The following SRRM1 variants were observed in gnomAD, a reference collection of about 807,000 sequenced individuals.
The protein encoded by SRRM1 is serine/arginine repetitive matrix protein 1.
Under a neutral mutation model 110.2 loss-of-function variants are expected in SRRM1, and 19 were observed. The observed-to-expected ratio is 0.17, with a 90% CI of 0.12 to 0.25. The LOEUF (loss-of-function observed/expected upper bound fraction) is 0.25. Among genes scored for constraint, SRRM1 ranks in the 10% least tolerant of loss-of-function variants. The pLI is 1.00. For missense variants in SRRM1, 918 were observed against 1,145.8 expected (o/e 0.80, Z 2.87); for synonymous variants, 443 against 414.9 (o/e 1.07, Z -0.82).
At chr1:24,672,141 AG>A (rs755718875) in intron 16 of SRRM1, 40 bp from the exon 17 acceptor site, 1 of 1,472,378 alleles carries the variant, frequency 6.8e-7, no homozygotes, top group Non-Finnish European at 9.4e-7. Context: ...ATTTCCCACC[AG>A]GGTCTCAAGA....
chr1:24,644,811 C>T lies in SRRM1; in HGVS notation c.22-1173C>T, dbSNP rs138183575. ...TGAAACAAGTGAAAGCCTTTTCTGA[C>T]TTTTGTCAAAATATTTTCTGTGGAA... On this transcript the variant is annotated intron_variant, in intron 1 of 16. Transcript: ENST00000323848. Among the ~76,000 whole-genome samples the T allele has an allele frequency of 3.3e-5, 5 of 152,248 alleles. No homozygotes were observed. In the East Asian group the frequency reaches 9.6e-4, roughly 29 times the overall value.
chr1:24,655,438 T>G (rs1049671370), intron 9 of SRRM1, among the ~76,000 whole-genome samples: 1 of 152,202 alleles, frequency 6.6e-6, no homozygotes, highest in African/African-American at 2.4e-5. Flanking sequence ...TAAGGGATCA[T>G]TTTATTACTA....
intron 1 of SRRM1, chr1:24,643,798 G>A (rs933786585): frequency 1.2e-5 from 2 of 167,386 alleles, no homozygotes; most frequent in African/African-American, 4.8e-5. Flanking sequence ...GCACCTTAGG[G>A]GAGGGAGAAC....
rs1043466268 is a variant in SRRM1, at chr1:24,670,138, A to C, written c.2223A>C (p.Pro741=). 6.3e-7 allele frequency: 1 copy of C among 1,595,998 alleles called. No homozygotes were observed. The highest frequency in any genetic ancestry group is 1.8e-5 in the Admixed American group (1 of 55,106). Residue 741 remains proline (P), a synonymous_variant, in exon 15 of 17, where the codon CCA becomes CCC. Transcript: ENST00000323848. The part of the protein sequence containing the change: ...KKIKKAASPS[P]QSVRRVSSSR... ...TGTCTAGGGCTGCTTCCCCAAGCCC[A>C]CAGTCTGTAAGAAGGGTCTCATCCT... is the stretch of plus-strand genomic sequence containing the variant.
intron 14 of SRRM1, 136 bp from the exon 15 acceptor site, chr1:24,669,984 A>G (rs1671915869): frequency 1.3e-6 from 1 of 795,814 alleles, no homozygotes; most frequent in South Asian, 1.9e-5. Context: ...AATTGGATAT[A>G]TGTTAGTTGA....
At position 24,672,357 on chromosome 1, in the gene SRRM1, T is replaced by C; in HGVS notation, c.*71T>C. 9.3e-7 allele frequency: 1 copy of C among 1,075,530 alleles called. No homozygotes were observed. The highest frequency in any genetic ancestry group is 1.4e-5 in the South Asian group (1 of 69,070). The allele number at this position is 1,075,530 out of a possible 1,614,324, so 66.6% of individuals were successfully genotyped here. On this transcript the variant is annotated 3_prime_UTR_variant, in exon 17 of 17. Coordinates refer to ENST00000323848, the MANE Select transcript of SRRM1 (RefSeq NM_005839.4). ...GTTCAATTTCAAAATTGCTAAAATG[T>C]GTTTGAGCTTTAGACTATAACATTT...
Position 24,660,820 on chromosome 1 carries a change from TG to T in SRRM1, c.1396+22del, listed in dbSNP as rs754430701. ...ATCGGGTAAGTTTGTTGTTTTTTTT[TG>T]TGATTTTGGTTTGTTTGTTTTTGTT... On this transcript the variant is annotated intron_variant, in intron 10 of 16. Coordinates refer to ENST00000323848, the MANE Select transcript of SRRM1 (RefSeq NM_005839.4). 2.5e-5 allele frequency: 39 copies of T among 1,541,900 alleles called. No homozygotes were observed. The South Asian group carries it at 3.3e-4, about 13-fold the overall frequency.
At chr1:24,659,963 C>A (rs777159984) in intron 9 of SRRM1, among the ~76,000 whole-genome samples, 1 of 152,050 alleles carries the variant, frequency 6.6e-6, no homozygotes, top group Non-Finnish European at 1.5e-5. Flanking sequence ...TGCTTTTTTT[C>A]ATGGGTAGTT....
At chr1:24,643,563 G>T in intron 1 of SRRM1, 1 of 414,056 alleles carries the variant, frequency 2.4e-6, no homozygotes. Context: ...CCCCCTACGC[G>T]GCGGCGACGG....
chr1:24,655,430 A>C (rs1663518388), intron 9 of SRRM1, among the ~76,000 whole-genome samples: 1 of 152,174 alleles, frequency 6.6e-6, no homozygotes, highest in Non-Finnish European at 1.5e-5. Flanking sequence ...TGGCATGATA[A>C]GGGATCATTT....
intron 10 of SRRM1, chr1:24,661,033 A>G: frequency 1.9e-6 from 1 of 536,860 alleles, no homozygotes; most frequent in Admixed American, 3.5e-5. Context: ...CGAAATAGGG[A>G]CAGTAGAGGT....
At chr1:24,651,893 A>C in intron 6 of SRRM1, among the ~76,000 whole-genome samples, 1 of 151,012 alleles carries the variant, frequency 6.6e-6, no homozygotes. Flanking sequence ...ACTTTTAAGA[A>C]ATGTATGTGG....
In SRRM1 at chr1:24,655,004, G is replaced by A. The variant is rs745752717; in HGVS notation, c.1190G>A (p.Arg397Gln). 13 of 1,614,026 alleles carry A rather than the reference G, an allele frequency of 8.1e-6. No homozygotes were observed. In the East Asian group the frequency reaches 2.0e-4, roughly 25 times the overall value. ...RLSPSASPPRRRHRPSPPATP... is the reference protein window; with the variant it reads ...RLSPSASPPRQRHRPSPPATP... ...TCTCCTTCAGCAAGTCCTCCAAGGC[G>A]AAGGCACAGGCCATCACCTCCTGCA... The change falls in exon 9 of 17, where the codon CGA (arginine) becomes CAA (glutamine). Residue 397 changes from arginine (R) to glutamine (Q), a missense_variant. Around this residue, in one of 5 missense-constraint regions of SRRM1, gnomAD observed 456 missense variants for 453.5 expected, o/e 1.01. Transcript: ENST00000323848.
At chr1:24,650,209 G>A (rs978218173) in intron 5 of SRRM1, 123 bp downstream of exon 5, 20 of 915,088 alleles carry the variant, frequency 2.2e-5, no homozygotes, top group Non-Finnish European at 3.0e-5. Context: ...CAGTTTTCAT[G>A]GTGACCTGTG....
intron 16 of SRRM1, among the ~76,000 whole-genome samples, 198 bp from the exon 17 acceptor site, chr1:24,671,984 A>G (rs566919033): frequency 8.6e-5 from 13 of 151,676 alleles, no homozygotes; most frequent in Admixed American, 3.9e-4. Flanking sequence ...GGTTTGTTAC[A>G]TATGTATACA....
chr1:24,672,016 A>G (rs936776821), intron 16 of SRRM1, among the ~76,000 whole-genome samples, 166 bp from the exon 17 acceptor site: 1 of 151,850 alleles, frequency 6.6e-6, no homozygotes, highest in Non-Finnish European at 1.5e-5. Flanking sequence ...GGTGTGCTGC[A>G]CCCATTAACT....
Position 24,664,376 on chromosome 1 carries a change from T to TAGA in SRRM1, c.1628+1572_1628+1573insAGA, listed in dbSNP as rs1668834375. Among the ~76,000 whole-genome samples the TAGA allele has an allele frequency of 2.0e-5, 3 of 152,224 alleles. No individual in the cohort carries two copies. In the South Asian group the frequency reaches 6.2e-4, roughly 32 times the overall value. On this transcript the variant is annotated intron_variant, in intron 12 of 16. Coordinates refer to ENST00000323848, the MANE Select transcript of SRRM1 (RefSeq NM_005839.4). ...AAAATTTTAGAGCCAAATCCCTAATTCAGGCCTTACTCTCATAAGTGAGAA... is the reference window on the plus strand; with the variant it reads ...AAAATTTTAGAGCCAAATCCCTAATTAGACAGGCCTTACTCTCATAAGTGAGAA...
intron 16 of SRRM1, 79 bp from the exon 17 acceptor site, chr1:24,672,103 C>G: frequency 8.9e-7 from 1 of 1,123,216 alleles, no homozygotes; most frequent in South Asian, 1.4e-5. Context: ...GTTCCCCTCC[C>G]ACACTTTGAT....
At position 24,652,519 on chromosome 1, in the gene SRRM1, AAGG is replaced by A. The variant is rs1661574435; in HGVS notation, c.814_816del (p.Glu272del). The A allele has an allele frequency of 5.6e-6, 9 of 1,613,182 alleles. No individual in the cohort carries two copies. The highest frequency in any genetic ancestry group is 1.3e-5 in the African/African-American group (1 of 74,970). ...AAAAAATTCCAAAAAAGAAAAGGAG[AAGG>A]AGAAGACCCGACCACGATCTCGGTC... On this transcript the variant is annotated inframe_deletion, in exon 7 of 17. Coordinates refer to ENST00000323848, the MANE Select transcript of SRRM1 (RefSeq NM_005839.4).
Sources: gnomAD v4.1 joint callset for allele counts (sites outside exome capture counted in the v4.1 genomes callset) on GRCh38, gnomAD v4.1.1 for gene constraint, gnomAD v4.1.1 regional missense constraint, MANE v1.5 for transcripts, NCBI Gene and HGNC (gene_info 2026-07-23, HGNC 2026-07-21) for gene names.